BID: variants seen among roughly 807,000 people sequenced by gnomAD.
BID encodes the protein BH3-interacting domain death agonist.
BID carries 19 observed loss-of-function variants against 17.4 expected under a neutral mutation model. The observed-to-expected ratio is 1.09, with a 90% confidence interval of 0.76 to 1.60. BID has a LOEUF of 1.60. Ranked by LOEUF, BID falls within the 40% of genes most tolerant of loss-of-function variation. The probability of loss-of-function intolerance (pLI) is 0.00; values close to 1 mark genes in which losing one functional copy is unlikely to be tolerated. For missense variants in BID, 226 were observed against 256.0 expected, an observed-to-expected ratio of 0.88 and a Z score of 0.80; for synonymous variants, 108 against 102.8, an observed-to-expected ratio of 1.05 and a Z score of -0.31.
chr22:17,750,600 G>A (rs1285680345), intron 1 of BID, among the ~76,000 whole-genome samples: 3 of 152,204 alleles, frequency 2.0e-5, no homozygotes, highest in African/African-American at 7.2e-5. Flanking sequence ...AGGCCGAGGC[G>A]GGTGGATCAT....
intron 2 of BID, among the ~76,000 whole-genome samples, chr22:17,749,720 C>G (rs1231227238): frequency 6.6e-6 from 1 of 152,220 alleles, no homozygotes; most frequent in African/African-American, 2.4e-5. Flanking sequence ...TGCAGTGGCA[C>G]AATCACAGCT....
intron 3 of BID, chr22:17,740,251 AAT>A: frequency 7.5e-7 from 1 of 1,324,868 alleles, no homozygotes; most frequent in Non-Finnish European, 1.1e-6. Context: ...CCCAGCACTT[AAT>A]ACATGGCACT....
chr22:17,773,498 C>T lies in BID; in HGVS notation c.-59+883G>A. On this transcript the variant is annotated intron_variant, in intron 1 of 5. Coordinates refer to ENST00000622694, the MANE Select transcript of BID (RefSeq NM_001196.4). The surrounding 1 kb of genome is among the most constrained non-coding windows in gnomAD (Gnocchi z 4.4). Reference sequence around the variant, plus strand: ...AAGGCTCCAGGAAGGGGGTGCAAGCCTGAGAAGGTGGAAGAGCTCTGGGTG... The same window carrying T: ...AAGGCTCCAGGAAGGGGGTGCAAGCTTGAGAAGGTGGAAGAGCTCTGGGTG... The T allele has an allele frequency of 1.8e-6, 2 of 1,116,146 alleles. No homozygotes were observed. Among genetic ancestry groups the T allele is most frequent in the Non-Finnish European group, 2.6e-6 (2 of 754,738 alleles). The allele number at this position is 1,116,146 out of a possible 1,614,324, so 69.1% of individuals were successfully genotyped here. A position where few individuals can be genotyped will look rare whatever the true frequency, so the allele number is the denominator to read the frequency against.
At chr22:17,739,544 C>A in intron 3 of BID, 56 bp from the exon 4 acceptor site, 1 of 1,568,882 alleles carries the variant, frequency 6.4e-7, no homozygotes. Context: ...GTCCCTGATA[C>A]CCTCTCCCAC....
At chr22:17,748,029 T>G (rs1296253879) in intron 2 of BID, among the ~76,000 whole-genome samples, 10 of 149,700 alleles carry the variant, frequency 6.7e-5, no homozygotes, top group Non-Finnish European at 1.5e-4. Flanking sequence ...GCTAACACGG[T>G]GAAACCCCGT....
chr22:17,736,457 CA>C (rs10559377), intron 5 of BID, among the ~76,000 whole-genome samples: 19,658 of 136,026 alleles, frequency 0.14, 1,374 homozygotes, highest in African/African-American at 0.21. Flanking sequence ...AATTCTGTCT[CA>C]AAAAAAAAAA....
chr22:17,743,555 A>T (rs967351221), intron 3 of BID, among the ~76,000 whole-genome samples: 18 of 152,236 alleles, frequency 1.2e-4, no homozygotes, highest in African/African-American at 4.1e-4. Context: ...AGTACATGAG[A>T]TTCTGTCTCA....
chr22:17,760,096 T>G (rs2145909849), intron 1 of BID, among the ~76,000 whole-genome samples: 1 of 138,228 alleles, frequency 7.2e-6, no homozygotes, highest in East Asian at 2.2e-4. Context: ...ATTGCGCCAC[T>G]GCACTCCAGC....
At chr22:17,755,908 C>T (rs2061579226) in intron 1 of BID, among the ~76,000 whole-genome samples, 1 of 152,082 alleles carries the variant, frequency 6.6e-6, no homozygotes, top group Non-Finnish European at 1.5e-5. Context: ...CACTCTGTCG[C>T]CCAGGCAGGA....
intron 1 of BID, among the ~76,000 whole-genome samples, chr22:17,764,735 T>TC (rs2061666275): frequency 6.6e-6 from 1 of 152,210 alleles, no homozygotes; most frequent in Non-Finnish European, 1.5e-5. Flanking sequence ...TGTCCTGGGA[T>TC]CGGTTGGGGA....
intron 1 of BID, among the ~76,000 whole-genome samples, chr22:17,759,246 C>CAAAAAAAAAAAACAAAAAAAAAAAAA (rs747701019): frequency 2.6e-5 from 3 of 114,780 alleles, no homozygotes; most frequent in Admixed American, 8.6e-5. Flanking sequence ...AAAAACAAAA[C>CAAAAAAAAAAAACAAAAAAAAAAAAA]AAAAAAAAAA....
chr22:17,751,471 G>A (rs1186924175), intron 1 of BID, among the ~76,000 whole-genome samples: 1 of 152,150 alleles, frequency 6.6e-6, no homozygotes, highest in Non-Finnish European at 1.5e-5. Context: ...GTGTGTGTGT[G>A]TGTGCGTGTG....
At chr22:17,770,093 G>C (rs562722717) in intron 1 of BID, among the ~76,000 whole-genome samples, 4 of 152,066 alleles carry the variant, frequency 2.6e-5, no homozygotes, top group African/African-American at 9.6e-5. Flanking sequence ...CCCTGGCCCT[G>C]GGTTGCCACT....
At chr22:17,753,374 G>C (rs1198127077) in intron 1 of BID, among the ~76,000 whole-genome samples, 1 of 152,246 alleles carries the variant, frequency 6.6e-6, no homozygotes, top group Non-Finnish European at 1.5e-5. Context: ...CCCCTGAGCT[G>C]TGCCTTGAGG....
intron 1 of BID, among the ~76,000 whole-genome samples, chr22:17,751,914 C>A (rs1270728231): frequency 1.3e-5 from 2 of 152,228 alleles, no homozygotes; most frequent in African/African-American, 2.4e-5. Flanking sequence ...GCAAGACAGA[C>A]CCCACCCCAG....
rs146712574 is a variant in BID at position 17,738,038 on chromosome 22, G to A, written c.555C>T (p.Tyr185=). The A allele has an allele frequency of 2.2e-4, 357 of 1,614,178 alleles. No individual in the cohort carries two copies. Among genetic ancestry groups the A allele is most frequent in the African/African-American group, 1.7e-3 (129 of 75,052 alleles). ...VNFINQNLRT[Y]VRSLARNGMD ...TTACATTTCTGGCTAAGCTCCTCACGTAGGTGCGTAGGTTCTGGTTAATAA... is the reference window on the plus strand; with the variant it reads ...TTACATTTCTGGCTAAGCTCCTCACATAGGTGCGTAGGTTCTGGTTAATAA... The change falls in exon 5 of 6, where the codon TAC becomes TAT. Residue 185 remains tyrosine (Y), a synonymous_variant. Transcript: ENST00000622694.
At chr22:17,760,992 T>C (rs1165985995) in intron 1 of BID, among the ~76,000 whole-genome samples, 2 of 152,212 alleles carry the variant, frequency 1.3e-5, no homozygotes, top group Non-Finnish European at 2.9e-5. Flanking sequence ...ATTATTTCCA[T>C]GAATAACATT....
chr22:17,763,250 T>C lies in BID; in HGVS notation c.-59+11131A>G, dbSNP rs2061654231. 1.1e-4 allele frequency among the ~76,000 whole-genome samples: 4 copies of C among 36,378 alleles called. No individual in the cohort carries two copies. The South Asian group carries it at 2.0e-3, about 19-fold the overall frequency. The allele number at this position is 36,378 out of a possible 152,430, so 23.9% of individuals were successfully genotyped here. A position where few individuals can be genotyped will look rare whatever the true frequency, so the allele number is the denominator to read the frequency against. On this transcript the variant is annotated intron_variant, in intron 1 of 5. Coordinates refer to ENST00000622694, the MANE Select transcript of BID (RefSeq NM_001196.4). ...CTCCATCATGTGTATTAATTATAAC[T>C]TTTTTTTTTTTGAGACATAGTCTGG...
chr22:17,740,008 A>C, intron 3 of BID: 1 of 1,485,634 alleles, frequency 6.7e-7, no homozygotes, highest in African/African-American at 1.4e-5. Context: ...TGCCTTTCCA[A>C]CCAGAGCTCT....
Sources: allele counts gnomAD v4.1 joint callset (sites outside exome capture counted in the v4.1 genomes callset), GRCh38; gene constraint gnomAD v4.1.1; non-coding constraint Gnocchi (gnomAD v3.1); transcripts MANE v1.5; gene names NCBI Gene and HGNC (gene_info 2026-07-23, HGNC 2026-07-21).